The following ADRA1A variants were observed in gnomAD, a reference collection of about 807,000 sequenced individuals.
ADRA1A encodes adrenoceptor alpha 1A.
ADRA1A carries 31 observed loss-of-function variants against 29.6 expected under a neutral mutation model. The ratio of observed to expected loss-of-function variants is 1.05; its 90% confidence interval spans 0.79 to 1.41. The LOEUF (loss-of-function observed/expected upper bound fraction) is 1.41, where lower values mean the gene tolerates loss of function less well. Among genes scored for constraint, ADRA1A ranks in the 40% most tolerant of loss-of-function variants. ADRA1A has a pLI of 0.00. For missense variants in ADRA1A, 619 were observed against 601.1 expected (o/e 1.03, Z -0.31); for synonymous variants, 311 against 254.3 (o/e 1.22, Z -2.12).
At chr8:26,776,224 T>G (rs890161132) in intron 2 of ADRA1A, among the ~76,000 whole-genome samples, 2 of 152,242 alleles carry the variant, frequency 1.3e-5, no homozygotes, top group Admixed American at 6.5e-5. Context: ...CTCGAATTCC[T>G]ATCCAGCACT....
chr8:26,854,583 C>G (rs2130761011), intron 2 of ADRA1A: 1 of 152,242 alleles, frequency 6.6e-6, no homozygotes, highest in South Asian at 2.1e-4. Context: ...TGCCCTGAGA[C>G]TGGGATGGAA....
intron 2 of ADRA1A, among the ~76,000 whole-genome samples, chr8:26,748,984 CA>C (rs1240844334): frequency 6.6e-6 from 1 of 151,916 alleles, no homozygotes; most frequent in Admixed American, 6.6e-5. Flanking sequence ...GTTTTGTGGT[CA>C]AGGTTAGTAT....
rs777015396 is a variant in ADRA1A at position 26,864,232 on chromosome 8, G to A, written c.738C>T (p.Ser246=). Residue 246 remains serine (S), a synonymous_variant, in exon 2 of 3, where the codon AGC becomes AGT. Coordinates refer to ENST00000380573, the MANE Select transcript of ADRA1A (RefSeq NM_000680.4). The surrounding 1 kb of genome is among the most constrained non-coding windows in gnomAD (Gnocchi z 8.1). ...IHRKNAPAGG[S]GMASAKTKTH... ...TCTTGGTCTTGGCGCTGGCCATCCCGCTGCCTCCTGCCGGGGCGTTTTTCC... is the reference window on the plus strand; with the variant it reads ...TCTTGGTCTTGGCGCTGGCCATCCCACTGCCTCCTGCCGGGGCGTTTTTCC... The A allele has an allele frequency of 6.2e-6, 10 of 1,614,190 alleles. No individual in the cohort carries two copies. The highest frequency in any genetic ancestry group is 6.8e-6 in the Non-Finnish European group (8 of 1,180,038).
At chr8:26,789,758 T>A (rs1379957683) in intron 2 of ADRA1A, among the ~76,000 whole-genome samples, 1 of 152,114 alleles carries the variant, frequency 6.6e-6, no homozygotes, top group African/African-American at 2.4e-5. Context: ...GAATTTAAAC[T>A]ATTAAACAGT....
chr8:26,857,969 T>G (rs533701331), intron 2 of ADRA1A, among the ~76,000 whole-genome samples: 4 of 152,358 alleles, frequency 2.6e-5, no homozygotes, highest in Admixed American at 2.6e-4. Context: ...TTCTATAGCT[T>G]CCTGGCAAAC....
In ADRA1A at chr8:26,865,686, G is replaced by C. The variant is rs1813856205; in HGVS notation, c.-686-31C>G. ...AGAGCGCAAAGAGAAAGGCGGCTTT[G>C]AGCTAGGCGCCCCAGGGAAAGAGGC... On this transcript the variant is annotated intron_variant, in intron 1 of 2. Coordinates refer to ENST00000380573, the MANE Select transcript of ADRA1A (RefSeq NM_000680.4). The surrounding 1 kb of genome is among the most constrained non-coding windows in gnomAD (Gnocchi z 7.6). 1 of 985,982 alleles carries C rather than the reference G, an allele frequency of 1.0e-6. No individual in the cohort carries two copies. The highest frequency in any genetic ancestry group is 1.7e-5 in the African/African-American group (1 of 57,382). 61.1% of individuals were successfully genotyped at this position (985,982 alleles called of 1,614,324 possible).
intron 2 of ADRA1A, among the ~76,000 whole-genome samples, chr8:26,758,007 A>G (rs1305095017): frequency 6.6e-6 from 1 of 152,122 alleles, no homozygotes. Flanking sequence ...AGCCTTGGAT[A>G]CTCTTGTTCT....
intron 2 of ADRA1A, among the ~76,000 whole-genome samples, chr8:26,810,511 G>C (rs553182649): frequency 1.3e-5 from 2 of 152,176 alleles, no homozygotes; most frequent in African/African-American, 2.4e-5. Context: ...CAGTATTTAC[G>C]GGATGACCTA....
intron 2 of ADRA1A, among the ~76,000 whole-genome samples, chr8:26,797,022 C>G (rs1003212596): frequency 1.3e-5 from 2 of 152,046 alleles, no homozygotes; most frequent in Non-Finnish European, 2.9e-5. Flanking sequence ...ATGTTCACAA[C>G]GATACTAAGG....
At position 26,769,314 on chromosome 8, in the gene ADRA1A, G is replaced by T. The variant is rs1226207974; in HGVS notation, c.*835C>A. The T allele has an allele frequency of 4.1e-6, 4 of 984,946 alleles. No individual in the cohort carries two copies. The Admixed American group carries it at 1.8e-4, about 45-fold the overall frequency. The allele number at this position is 984,946 out of a possible 1,614,324, so 61.0% of individuals were successfully genotyped here. The stretch of plus-strand genomic sequence containing the variant: ...CCACACCAACCTCTTGCTCTTTAAA[G>T]ATATTAGAGAGAAAGCCTATCATCA... On this transcript the variant is annotated 3_prime_UTR_variant, in exon 3 of 3. Transcript: ENST00000380573.
Position 26,848,554 on chromosome 8 carries a change from C to T in ADRA1A, c.883+15533G>A, listed in dbSNP as rs947871988. Among the ~76,000 whole-genome samples the T allele has an allele frequency of 9.2e-5, 14 of 152,306 alleles. No individual in the cohort carries two copies. The highest frequency in any genetic ancestry group is 3.4e-4 in the African/African-American group (14 of 41,576). ...CCTGACAATGCTAGAACCCTGATCT[C>T]AGACTTCCAGCCTCCAGAGCTCTGA... On this transcript the variant is annotated intron_variant, in intron 2 of 2. Transcript: ENST00000380573. This position sits in a 1 kb window ranked among gnomAD's most constrained non-coding sequence, Gnocchi z 4.3.
chr8:26,754,935 T>A (rs985774427), downstream of ADRA1A, among the ~76,000 whole-genome samples: 16 of 152,202 alleles, frequency 1.1e-4, no homozygotes, highest in African/African-American at 3.9e-4. Flanking sequence ...AAGCCAGCCT[T>A]TGGGGATATT....
chr8:26,779,356 G>A (rs1806784041), intron 2 of ADRA1A: 4 of 702,776 alleles, frequency 5.7e-6, no homozygotes, highest in Non-Finnish European at 1.0e-5. Context: ...TCCAACCCCA[G>A]CACTGCTGCA....
intron 2 of ADRA1A, among the ~76,000 whole-genome samples, chr8:26,818,203 A>G (rs1390375954): frequency 6.6e-6 from 1 of 152,226 alleles, no homozygotes; most frequent in Non-Finnish European, 1.5e-5. Flanking sequence ...CAGACATGAG[A>G]AAATTTCTGT....
At chr8:26,822,631 A>G (rs1810253538) in intron 2 of ADRA1A, among the ~76,000 whole-genome samples, 1 of 152,218 alleles carries the variant, frequency 6.6e-6, no homozygotes, top group African/African-American at 2.4e-5. Flanking sequence ...CTATTTATAG[A>G]CAATAACTTA....
At chr8:26,859,228 T>C (rs1813266854) in intron 2 of ADRA1A, 1 of 1,243,766 alleles carries the variant, frequency 8.0e-7, no homozygotes, top group Non-Finnish European at 1.0e-6. Flanking sequence ...AATATGATAG[T>C]ATATTTATTC....
At chr8:26,812,675 A>T (rs911891389) in intron 2 of ADRA1A, among the ~76,000 whole-genome samples, 4 of 149,610 alleles carry the variant, frequency 2.7e-5, no homozygotes, top group Admixed American at 1.3e-4. Context: ...TATTATTATT[A>T]TTTTTTTGAG....
chr8:26,775,070 A>G lies in ADRA1A; in HGVS notation c.884-4404T>C, dbSNP rs1488928297. Among the ~76,000 whole-genome samples the G allele has an allele frequency of 1.2e-5, 1 of 81,986 alleles. No homozygotes were observed. The highest frequency in any genetic ancestry group is 2.3e-5 in the Non-Finnish European group (1 of 44,152). The allele number at this position is 81,986 out of a possible 152,430, so 53.8% of individuals were successfully genotyped here. On this transcript the variant is annotated intron_variant, in intron 2 of 2. Transcript: ENST00000380573. This position sits in a 1 kb window ranked among gnomAD's most constrained non-coding sequence, Gnocchi z 4.1. Reference sequence around the variant, plus strand: ...CTCTGACCCAGTCACTCTGTGGGGAAGTCCATTCGAGCAGCCATCCGGCCG... The same window carrying G: ...CTCTGACCCAGTCACTCTGTGGGGAGGTCCATTCGAGCAGCCATCCGGCCG...
intron 2 of ADRA1A, chr8:26,748,750 TAAA>T (rs35884587): frequency 0.014 from 4,261 of 297,748 alleles, 1 homozygote; most frequent in Middle Eastern, 0.03. Flanking sequence ...AGACTTCGTC[TAAA>T]AAAAAAAAAA....
Sources: allele counts gnomAD v4.1 joint callset (sites outside exome capture counted in the v4.1 genomes callset), GRCh38; gene constraint gnomAD v4.1.1; non-coding constraint Gnocchi (gnomAD v3.1); transcripts MANE v1.5; gene names NCBI Gene and HGNC (gene_info 2026-07-23, HGNC 2026-07-21).